BACH2: variants seen among roughly 807,000 people sequenced by gnomAD.
BACH2 encodes transcription regulator protein BACH2.
In BACH2, 5 loss-of-function variants were observed where a neutral mutation model predicts 61.8. The ratio of observed to expected loss-of-function variants is 0.08; its 90% CI spans 0.04 to 0.17. The LOEUF (loss-of-function observed/expected upper bound fraction) is 0.17, where lower values mean the gene tolerates loss of function less well. Among genes scored for constraint, BACH2 ranks in the 10% least tolerant of loss-of-function variants. The pLI, the probability that BACH2 is intolerant of heterozygous loss-of-function variation, is 1.00. For synonymous variants in BACH2, 446 were observed against 440.1 expected (o/e 1.01, Z -0.17); for missense variants, 824 against 1,091.1 (o/e 0.76, Z 3.45).
At chr6:90,041,772 G>A (rs2127791361) in intron 5 of BACH2, among the ~76,000 whole-genome samples, 1 of 152,046 alleles carries the variant, frequency 6.6e-6, no homozygotes, top group South Asian at 2.1e-4. Context: ...TATTAATCAA[G>A]TCAGCTAAAG....
chr6:89,941,906 G>T (rs1177038672), intron 7 of BACH2, among the ~76,000 whole-genome samples: 1 of 152,172 alleles, frequency 6.6e-6, no homozygotes, highest in African/African-American at 2.4e-5. Context: ...AACACTAGGG[G>T]AATAGGAGGG....
At chr6:90,014,460 ATATATATATTTT>A (rs1777927194) in intron 5 of BACH2, among the ~76,000 whole-genome samples, 2 of 72,224 alleles carry the variant, frequency 2.8e-5, no homozygotes, top group African/African-American at 1.6e-4. Context: ...ATATATATAT[ATATATATATTTT>A]TTTTTTTTTT....
chr6:90,273,093 G>A (rs146891530), intron 1 of BACH2, among the ~76,000 whole-genome samples: 1 of 152,282 alleles, frequency 6.6e-6, no homozygotes, highest in Non-Finnish European at 1.5e-5. Flanking sequence ...AGGTGCAGTG[G>A]CTCACACCTG....
intron 6 of BACH2, among the ~76,000 whole-genome samples, chr6:89,985,943 G>A (rs1456744216): frequency 6.6e-6 from 1 of 152,212 alleles, no homozygotes; most frequent in African/African-American, 2.4e-5. Context: ...GTACAGCTGT[G>A]GGAAGACAGT....
At chr6:89,970,389 CA>C (rs1424629524) in intron 6 of BACH2, among the ~76,000 whole-genome samples, 2 of 152,202 alleles carry the variant, frequency 1.3e-5, no homozygotes, top group Non-Finnish European at 2.9e-5. Flanking sequence ...CTTTATCTAG[CA>C]TATGGAAGGA....
chr6:90,053,114 A>T (rs778866789), intron 5 of BACH2, among the ~76,000 whole-genome samples: 3 of 152,184 alleles, frequency 2.0e-5, no homozygotes, highest in Non-Finnish European at 2.9e-5. Flanking sequence ...GGAACTTATA[A>T]TGCAAACTCT....
chr6:90,056,273 G>A (rs950248101), intron 5 of BACH2, among the ~76,000 whole-genome samples: 1 of 152,138 alleles, frequency 6.6e-6, no homozygotes, highest in Admixed American at 6.5e-5. Context: ...AGGGATGGAG[G>A]AAGATCTACC....
At position 90,155,873 on chromosome 6, in the gene BACH2, G is replaced by A. The variant is rs576542241; in HGVS notation, c.-162+50696C>T. On this transcript the variant is annotated intron_variant, in intron 4 of 8. Transcript: ENST00000257749. ...GCATTGAGAACAATGCCTGGCACAA[G>A]CAGGTGTGCAAAAATGCTGGCCGAC... is the stretch of plus-strand genomic sequence containing the variant. Among the ~76,000 whole-genome samples the A allele has an allele frequency of 3.9e-5, 6 of 152,284 alleles. No homozygotes were observed. In the South Asian group the frequency reaches 1.0e-3, roughly 26 times the overall value.
At chr6:90,080,520 A>G (rs1781680653) in intron 5 of BACH2, among the ~76,000 whole-genome samples, 2 of 152,192 alleles carry the variant, frequency 1.3e-5, no homozygotes, top group South Asian at 4.1e-4. Context: ...GATATTTGCC[A>G]GGGGCACAGA....
chr6:90,188,760 G>GAAAAAA (rs57618295), intron 4 of BACH2, among the ~76,000 whole-genome samples: 142 of 78,412 alleles, frequency 1.8e-3, no homozygotes, highest in East Asian at 2.6e-3. Context: ...GCCCCAAAAT[G>GAAAAAA]AAAAAAAAAA....
chr6:90,151,032 G>A (rs1248932745), intron 4 of BACH2, among the ~76,000 whole-genome samples: 1 of 152,148 alleles, frequency 6.6e-6, no homozygotes, highest in Non-Finnish European at 1.5e-5. Context: ...TAGAACCAGG[G>A]TCCATCTAGG....
intron 5 of BACH2, among the ~76,000 whole-genome samples, chr6:90,019,343 G>A (rs1778254199): frequency 6.6e-6 from 1 of 152,122 alleles, no homozygotes; most frequent in Non-Finnish European, 1.5e-5. Context: ...AACATGAAAT[G>A]AAAGAAAATA....
At chr6:90,089,244 G>C (rs1176883249) in intron 4 of BACH2, 135 bp from the exon 5 acceptor site, 1 of 151,976 alleles carries the variant, frequency 6.6e-6, no homozygotes, top group Non-Finnish European at 1.5e-5. Flanking sequence ...TCTGGCTGTC[G>C]GCCTCTTGAC....
chr6:89,938,141 C>T lies in BACH2; in HGVS notation c.2043+3G>A. On this transcript the variant is annotated splice_donor_region_variant and intron_variant, in intron 8 of 8. Coordinates refer to ENST00000257749, the MANE Select transcript of BACH2 (RefSeq NM_021813.4). ...GCTGATCACAATGGATGGGTCAACT[C>T]ACCAATTTGCGGATTTCACATTCTA... 1.2e-6 allele frequency: 2 copies of T among 1,612,056 alleles called. No homozygotes were observed. The highest frequency in any genetic ancestry group is 8.5e-7 in the Non-Finnish European group (1 of 1,178,138).
chr6:90,238,559 C>T (rs1180017610), intron 3 of BACH2, among the ~76,000 whole-genome samples: 1 of 152,178 alleles, frequency 6.6e-6, no homozygotes. Context: ...CTCTACCTTG[C>T]CATTGTTTCC....
At chr6:90,121,602 G>A (rs1783628244) in intron 4 of BACH2, among the ~76,000 whole-genome samples, 1 of 152,128 alleles carries the variant, frequency 6.6e-6, no homozygotes, top group African/African-American at 2.4e-5. Flanking sequence ...GAGTGCAGTG[G>A]CACAATCTTG....
chr6:90,192,556 GCACT>G (rs1768611825), intron 4 of BACH2, among the ~76,000 whole-genome samples: 1 of 152,032 alleles, frequency 6.6e-6, no homozygotes, highest in Non-Finnish European at 1.5e-5. Context: ...ACCGTCTTCT[GCACT>G]CACAATATCC....
intron 6 of BACH2, among the ~76,000 whole-genome samples, chr6:89,964,503 T>A (rs2128359770): frequency 6.6e-6 from 1 of 152,358 alleles, no homozygotes; most frequent in South Asian, 2.1e-4. Flanking sequence ...GTACAAAATC[T>A]TCTTTGACTT....
intron 5 of BACH2, among the ~76,000 whole-genome samples, chr6:90,072,398 T>G (rs1396792362): frequency 6.6e-6 from 1 of 152,186 alleles, no homozygotes; most frequent in Non-Finnish European, 1.5e-5. Flanking sequence ...TATGAGCTGA[T>G]CTGTTTTTCC....
Sources: allele counts gnomAD v4.1 joint callset (sites outside exome capture counted in the v4.1 genomes callset), GRCh38; gene constraint gnomAD v4.1.1; transcripts MANE v1.5; gene names NCBI Gene and HGNC (gene_info 2026-07-23, HGNC 2026-07-21).